TMEM74: variants seen among roughly 807,000 people sequenced by gnomAD.
TMEM74 encodes the protein transmembrane protein 74.
TMEM74 carries 13 observed loss-of-function variants against 18.1 expected under a neutral mutation model. The ratio of observed to expected loss-of-function variants is 0.72; its 90% confidence interval spans 0.47 to 1.14. The LOEUF (loss-of-function observed/expected upper bound fraction) is 1.14. Ranked by LOEUF, TMEM74 falls within the 50% of genes most tolerant of loss-of-function variation. The probability of loss-of-function intolerance (pLI) is 0.00; values close to 1 mark genes in which losing one functional copy is unlikely to be tolerated. For missense variants in TMEM74, 372 were observed against 375.9 expected, an observed-to-expected ratio of 0.99 and a Z score of 0.09; for synonymous variants, 159 against 146.6, an observed-to-expected ratio of 1.08 and a Z score of -0.61.
chr8:108,636,419 G>A (rs1812606952), intron 2 of TMEM74, among the ~76,000 whole-genome samples: 1 of 152,080 alleles, frequency 6.6e-6, no homozygotes, highest in Admixed American at 6.6e-5. Flanking sequence ...ATTAAGATCA[G>A]AGAAAGATGG....
chr8:108,760,012 A>G (rs574392355), intron 1 of TMEM74, among the ~76,000 whole-genome samples: 1 of 152,204 alleles, frequency 6.6e-6, no homozygotes, highest in East Asian at 1.9e-4. Flanking sequence ...TCTCTACTAA[A>G]AATACAAAAA....
downstream of TMEM74, among the ~76,000 whole-genome samples, chr8:108,775,823 G>T (rs965227007): frequency 2.0e-5 from 3 of 152,276 alleles, no homozygotes; most frequent in East Asian, 5.8e-4. Context: ...AAGGCTGGGG[G>T]TTCTACCCTC....
At chr8:108,741,331 GC>G (rs1813797976) in intron 1 of TMEM74, among the ~76,000 whole-genome samples, 1 of 152,146 alleles carries the variant, frequency 6.6e-6, no homozygotes, top group African/African-American at 2.4e-5. Context: ...TTAGGTTTAT[GC>G]TTTAAATTCA....
rs145073892 is a variant in TMEM74, at chr8:108,784,890, G to A, written c.209C>T (p.Ser70Phe). ...LSSSPASPSS[S>F]LQNSTLQPDA... ...TGGCTGAAGAGTACTGTTTTGCAGA[G>A]AGGAGGAGGGGGATGCTGGAGAAGA... Residue 70 changes from serine to phenylalanine, a missense_variant, in exon 2 of 2, where the codon TCT (serine) becomes TTT (phenylalanine). Coordinates refer to ENST00000297459, the MANE Select transcript of TMEM74 (RefSeq NM_153015.3). The A allele has an allele frequency of 1.5e-5, 24 of 1,614,056 alleles. No homozygotes were observed. The African/African-American group carries it at 2.9e-4, about 20-fold the overall frequency.
At chr8:108,653,624 T>C (rs1431325317) in intron 2 of TMEM74, among the ~76,000 whole-genome samples, 6 of 152,184 alleles carry the variant, frequency 3.9e-5, no homozygotes, top group Non-Finnish European at 4.4e-5. Context: ...AAACATCTAC[T>C]CTTTAGAGAT....
At position 108,784,036 on chromosome 8, in the gene TMEM74, A is replaced by G. The variant is rs2129669243; in HGVS notation, c.*145T>C. On this transcript the variant is annotated 3_prime_UTR_variant, in exon 2 of 2. Transcript: ENST00000297459. ...CTTTTCTTCTAAATAGAAGACACAT[A>G]GAGAACAAAAACACTTACTGGCTGT... 3.0e-6 allele frequency: 2 copies of G among 677,028 alleles called. No homozygotes were observed. The highest frequency in any genetic ancestry group is 4.9e-6 in the Non-Finnish European group (2 of 411,902). The allele number at this position is 677,028 out of a possible 1,614,324, so 41.9% of individuals were successfully genotyped here.
chr8:108,697,352 A>G (rs749832707), intron 1 of TMEM74, among the ~76,000 whole-genome samples: 7 of 152,196 alleles, frequency 4.6e-5, no homozygotes, highest in Non-Finnish European at 7.3e-5. Flanking sequence ...TTATGTGGCT[A>G]TTGAATTATA....
intron 1 of TMEM74, among the ~76,000 whole-genome samples, chr8:108,719,447 G>C (rs1813564484): frequency 6.6e-6 from 1 of 151,956 alleles, no homozygotes; most frequent in Non-Finnish European, 1.5e-5. Flanking sequence ...CAATTTTAGA[G>C]AGCACCACCC....
At chr8:108,621,419 T>C (rs751922205) in intron 2 of TMEM74, among the ~76,000 whole-genome samples, 2 of 152,198 alleles carry the variant, frequency 1.3e-5, no homozygotes, top group South Asian at 2.1e-4. Context: ...TAGGTCCTTC[T>C]TCCAGGTCCC....
chr8:108,619,781 A>G (rs950986870), intron 2 of TMEM74, among the ~76,000 whole-genome samples: 2 of 152,162 alleles, frequency 1.3e-5, no homozygotes, highest in African/African-American at 4.8e-5. Context: ...TTCAAAACGT[A>G]AAAAAGTCAT....
rs1812798351 is a variant in TMEM74 at position 108,654,017 on chromosome 8, CATAA to C, written n.264+1272_264+1275del. Among the ~76,000 whole-genome samples the C allele has an allele frequency of 2.0e-5, 3 of 152,034 alleles. No individual in the cohort carries two copies. In the South Asian group the frequency reaches 6.2e-4, roughly 31 times the overall value. On this transcript the variant is annotated intron_variant and non_coding_transcript_variant, in intron 2 of 3. Transcript: ENST00000518838. The stretch of plus-strand genomic sequence containing the variant: ...TACAATTTACATTAAAACATACTTA[CATAA>C]ATAAAAAATATTAAAAAGCAAACAG...
intron 2 of TMEM74, among the ~76,000 whole-genome samples, chr8:108,637,653 G>T (rs1812620642): frequency 6.6e-6 from 1 of 152,162 alleles, no homozygotes; most frequent in South Asian, 2.1e-4. Flanking sequence ...TGGAACAGCT[G>T]AGAGTCAAGG....
At chr8:108,643,116 T>C (rs193278181) in intron 2 of TMEM74, among the ~76,000 whole-genome samples, 9 of 152,306 alleles carry the variant, frequency 5.9e-5, no homozygotes, top group Non-Finnish European at 8.8e-5. Context: ...AAATAGCTAA[T>C]TTCAAGAGTA....
chr8:108,775,424 G>T (rs1814221268), downstream of TMEM74, among the ~76,000 whole-genome samples: 1 of 152,094 alleles, frequency 6.6e-6, no homozygotes, highest in Non-Finnish European at 1.5e-5. Context: ...GTTTATTAAG[G>T]CTCAAACAGT....
intron 2 of TMEM74, among the ~76,000 whole-genome samples, chr8:108,631,373 G>T (rs554895843): frequency 2.0e-5 from 3 of 152,006 alleles, no homozygotes; most frequent in East Asian, 3.9e-4. Flanking sequence ...TAGGTCACCT[G>T]GGAAAAACAG....
At chr8:108,647,092 C>T (rs1163397202) in intron 2 of TMEM74, among the ~76,000 whole-genome samples, 1 of 152,098 alleles carries the variant, frequency 6.6e-6, no homozygotes, top group Admixed American at 6.6e-5. Context: ...GGTCTGCTTA[C>T]TCATGTTGTG....
intron 2 of TMEM74, among the ~76,000 whole-genome samples, chr8:108,651,133 TTTG>T (rs1194959909): frequency 1.4e-4 from 21 of 152,170 alleles, no homozygotes; most frequent in African/African-American, 5.1e-4. Flanking sequence ...GTATATTCAT[TTTG>T]TTTGACTCCA....
At chr8:108,702,675 A>G (rs572229941) in intron 1 of TMEM74, among the ~76,000 whole-genome samples, 2 of 152,074 alleles carry the variant, frequency 1.3e-5, no homozygotes, top group Non-Finnish European at 2.9e-5. Context: ...ATATGTATAC[A>G]TGTGCCATGT....
intron 1 of TMEM74, among the ~76,000 whole-genome samples, chr8:108,745,370 T>C (rs1813838931): frequency 6.6e-6 from 1 of 152,176 alleles, no homozygotes; most frequent in Non-Finnish European, 1.5e-5. Context: ...TGTGTCAGTG[T>C]CCAATAAAAC....
Sources: gnomAD v4.1 joint callset for allele counts (sites outside exome capture counted in the v4.1 genomes callset) on GRCh38, gnomAD v4.1.1 for gene constraint, MANE v1.5 for transcripts, NCBI Gene and HGNC (gene_info 2026-07-23, HGNC 2026-07-21) for gene names.